OCRL: variants seen among roughly 807,000 people sequenced by gnomAD.
OCRL encodes the protein inositol polyphosphate 5-phosphatase OCRL.
Under a neutral mutation model 78.9 loss-of-function variants are expected in OCRL, and 8 were observed. That is an observed-to-expected ratio of 0.10 (90% CI 0.06 to 0.18). The LOEUF is 0.18. OCRL is among the 10% of genes least tolerant of loss of function. The probability of loss-of-function intolerance (pLI) is 1.00; values close to 1 mark genes in which losing one functional copy is unlikely to be tolerated. For missense variants in OCRL, 454 were observed against 696.7 expected (o/e 0.65, Z 3.92); for synonymous variants, 240 against 235.4 (o/e 1.02, Z -0.18).
intron 10 of OCRL, 64 bp downstream of exon 10, chrX:129,561,357 A>G (rs1936142783): frequency 4.5e-6 from 3 of 669,758 alleles, no homozygotes; most frequent in Non-Finnish European, 5.0e-6. Flanking sequence ...GAGTTATTCC[A>G]TTATCTACAA....
intron 2 of OCRL, among the ~76,000 whole-genome samples, chrX:129,541,756 T>C (rs752374338): frequency 4.4e-4 from 49 of 112,078 alleles, no homozygotes; most frequent in Non-Finnish European, 8.8e-4. Flanking sequence ...CTAAAACCAA[T>C]TTTCTCAGTC....
intron 4 of OCRL, among the ~76,000 whole-genome samples, chrX:129,550,592 A>G (rs1157638557): frequency 9.0e-6 from 1 of 111,379 alleles, no homozygotes; most frequent in African/African-American, 3.3e-5. Context: ...ATTTGCTGCT[A>G]TTGCGAGTGG....
chrX:129,540,639 GGGGGA>G, intron 1 of OCRL, 100 bp from the exon 2 acceptor site: 1 of 675,647 alleles, frequency 1.5e-6, no homozygotes, highest in Non-Finnish European at 2.2e-6. Flanking sequence ...GGGGCGGGGC[GGGGGA>G]GGGCGGCGGT....
At chrX:129,572,194 C>T (rs189619133) in intron 15 of OCRL, among the ~76,000 whole-genome samples, 6 of 112,342 alleles carry the variant, frequency 5.3e-5, no homozygotes, top group Non-Finnish European at 1.1e-4. Flanking sequence ...AGACAAAATA[C>T]TGATTTGTGT....
At chrX:129,551,465 T>A (rs781414314) in intron 4 of OCRL, among the ~76,000 whole-genome samples, 1 of 112,056 alleles carries the variant, frequency 8.9e-6, no homozygotes, top group Non-Finnish European at 1.9e-5. Context: ...GATGGAGTCT[T>A]GCTCTGTCAT....
At chrX:129,582,683 C>T (rs1240316647) in intron 18 of OCRL, among the ~76,000 whole-genome samples, 1 of 111,710 alleles carries the variant, frequency 9.0e-6, no homozygotes, top group Non-Finnish European at 1.9e-5. Context: ...TAAATATGTA[C>T]CTTATAAAGA....
At chrX:129,560,504 A>G in intron 8 of OCRL, 46 bp from the exon 9 acceptor site, 1 of 872,626 alleles carries the variant, frequency 1.1e-6, no homozygotes, top group Non-Finnish European at 1.7e-6. Flanking sequence ...CTGTTGGTTT[A>G]TACTTGATCT....
At chrX:129,560,153 T>G (rs762622893) in intron 8 of OCRL, among the ~76,000 whole-genome samples, 2 of 112,192 alleles carry the variant, frequency 1.8e-5, no homozygotes, top group South Asian at 7.4e-4. Context: ...AGTGAGTTCC[T>G]GGAGTCAACT....
intron 12 of OCRL, among the ~76,000 whole-genome samples, chrX:129,563,862 A>C (rs113270763): frequency 9.1e-6 from 1 of 110,236 alleles, no homozygotes; most frequent in South Asian, 3.9e-4. Context: ...ACAAAAGCCA[A>C]AATTGACAAA....
chrX:129,570,177 C>T (rs1194627508), intron 15 of OCRL, among the ~76,000 whole-genome samples: 3 of 111,798 alleles, frequency 2.7e-5, no homozygotes, highest in African/African-American at 9.8e-5. Flanking sequence ...ACAGCCAGTA[C>T]ATTTAGGTTA....
At chrX:129,554,201 G>A (rs1244323185) in intron 4 of OCRL, among the ~76,000 whole-genome samples, 1 of 110,069 alleles carries the variant, frequency 9.1e-6, no homozygotes, top group Non-Finnish European at 1.9e-5. Flanking sequence ...TAAGTTGGAA[G>A]GAATAACATG....
chrX:129,588,099 G>A, intron 20 of OCRL, 80 bp from the exon 21 acceptor site: 1 of 728,027 alleles, frequency 1.4e-6, no homozygotes, highest in Non-Finnish European at 2.2e-6. Flanking sequence ...GCTTCCTGCT[G>A]CTCTTCTGAT....
In OCRL at chrX:129,540,450, C is replaced by T. The variant is rs770815981; in HGVS notation, c.11C>T (p.Pro4Leu). MEP[P>L]LPVGAQPLAT... ...CCGGAGGCCGCCTGGATGGAGCCGC[C>T]GCTCCCGGTCGGAGCCCAGCCGCTT... Residue 4 changes from proline to leucine, a missense_variant, in exon 1 of 24, where the codon CCG becomes CTG. Physicochemically the swap from Pro to Leu is moderately conservative, Grantham distance 98. Coordinates refer to ENST00000371113, the MANE Select transcript of OCRL (RefSeq NM_000276.4). 24 of 1,150,269 alleles carry T rather than the reference C, an allele frequency of 2.1e-5. No individual in the cohort carries two copies. In the East Asian group the frequency reaches 6.3e-4, roughly 30 times the overall value. 94.8% of individuals were successfully genotyped at this position (1,150,269 alleles called of 1,213,427 possible).
intron 18 of OCRL, among the ~76,000 whole-genome samples, chrX:129,582,763 G>A (rs1013157197): frequency 9.0e-6 from 1 of 111,659 alleles, no homozygotes; most frequent in Non-Finnish European, 1.9e-5. Flanking sequence ...TGTTTAATTC[G>A]TGAAGTATCT....
intron 15 of OCRL, among the ~76,000 whole-genome samples, chrX:129,571,082 T>G (rs1327761151): frequency 8.9e-6 from 1 of 112,080 alleles, no homozygotes; most frequent in Non-Finnish European, 1.9e-5. Flanking sequence ...TTGGCTTAAC[T>G]CCCAACTCTG....
At chrX:129,556,401 C>G (rs972069397) in intron 4 of OCRL, among the ~76,000 whole-genome samples, 1 of 111,333 alleles carries the variant, frequency 9.0e-6, no homozygotes, top group African/African-American at 3.3e-5. Flanking sequence ...AGTTGGTCAC[C>G]CTAGACTCCT....
intron 3 of OCRL, among the ~76,000 whole-genome samples, chrX:129,546,444 G>A (rs1235811023): frequency 8.9e-6 from 1 of 112,645 alleles, no homozygotes; most frequent in African/African-American, 3.2e-5. Flanking sequence ...TCCTCAGGAT[G>A]TATTCCTATA....
rs1311721844 is a variant in OCRL at position 129,590,346 on chromosome X, A to G, written c.*76A>G. ...GTATTTCAGAATGATTTAAAAAGTC[A>G]TGCCACAGGAAGGGTCTATTGCAGA... is the stretch of plus-strand genomic sequence containing the variant. On this transcript the variant is annotated 3_prime_UTR_variant, in exon 24 of 24. Coordinates refer to ENST00000371113, the MANE Select transcript of OCRL (RefSeq NM_000276.4). The G allele has an allele frequency of 8.7e-7, 1 of 1,144,906 alleles. No individual in the cohort carries two copies. The highest frequency in any genetic ancestry group is 2.2e-5 in the Admixed American group (1 of 45,886). 94.4% of individuals were successfully genotyped at this position (1,144,906 alleles called of 1,213,427 possible). A position where few individuals can be genotyped will look rare whatever the true frequency, so the allele number is the denominator to read the frequency against.
At position 129,558,950 on chromosome X, in the gene OCRL, A is replaced by G. The variant is rs770280987; in HGVS notation, c.671A>G (p.Lys224Arg). The G allele has an allele frequency of 2.5e-6, 3 of 1,209,898 alleles. No individual in the cohort carries two copies. The highest frequency in any genetic ancestry group is 1.8e-5 in the South Asian group (1 of 56,672). The change falls in exon 8 of 24, where the codon AAA (lysine) becomes AGA (arginine). Residue 224 changes from lysine to arginine, a missense_variant. Physicochemically the swap from Lys to Arg is conservative, Grantham distance 26. This residue lies in a region of OCRL where 177 missense variants were observed against 179.6 expected (regional missense o/e 0.99). Coordinates refer to ENST00000371113, the MANE Select transcript of OCRL (RefSeq NM_000276.4). ...TQSGQREGLIKHILAKREKEY... is the reference protein window; with the variant it reads ...TQSGQREGLIRHILAKREKEY... ...TCTGGGCAGCGGGAGGGTCTCATCA[A>G]ACATATCCTGGCAAAGCGAGAGAAA...
Sources: gnomAD v4.1 joint callset for allele counts (sites outside exome capture counted in the v4.1 genomes callset) on GRCh38, gnomAD v4.1.1 for gene constraint, gnomAD v4.1.1 regional missense constraint, MANE v1.5 for transcripts, NCBI Gene and HGNC (gene_info 2026-07-23, HGNC 2026-07-21) for gene names.